Variants in HMGCLL1 observed in about 807,000 individuals in gnomAD.
The protein encoded by HMGCLL1 is 3-hydroxy-3-methylglutaryl-CoA lyase like 1, also known as 3-hydroxymethyl-3-methylglutaryl-CoA lyase, cytoplasmic.
In HMGCLL1, 36 loss-of-function variants were observed where a neutral mutation model predicts 39.1. The observed-to-expected ratio is 0.92, with a 90% CI of 0.71 to 1.22. HMGCLL1 has a LOEUF of 1.22. Ranked by LOEUF, HMGCLL1 falls within the 50% of genes most tolerant of loss-of-function variation. HMGCLL1 has a pLI of 0.00. For synonymous variants in HMGCLL1, 149 were observed against 144.0 expected (o/e 1.03, Z -0.25); for missense variants, 451 against 416.5 (o/e 1.08, Z -0.72).
At chr6:55,573,636 T>C (rs930052520) in intron 1 of HMGCLL1, among the ~76,000 whole-genome samples, 2 of 152,002 alleles carry the variant, frequency 1.3e-5, no homozygotes, top group African/African-American at 4.8e-5. Context: ...AATATTCAGA[T>C]TGAATACGGA....
At chr6:55,605,097 G>A in the HMGCLL1 span, among the ~76,000 whole-genome samples, 1 of 152,200 alleles carries the variant, frequency 6.6e-6, no homozygotes, top group African/African-American at 2.4e-5. Flanking sequence ...AAGGCAGACA[G>A]CCTTCAGCTG....
At chr6:55,439,192 T>C (rs181039849) in intron 8 of HMGCLL1, among the ~76,000 whole-genome samples, 20 of 152,258 alleles carry the variant, frequency 1.3e-4, no homozygotes, top group Admixed American at 1.1e-3. Context: ...AAAAGTTCTT[T>C]AGAGGTCATG....
At chr6:55,556,578 A>G (rs942058033) in intron 1 of HMGCLL1, among the ~76,000 whole-genome samples, 8 of 152,176 alleles carry the variant, frequency 5.3e-5, no homozygotes, top group African/African-American at 1.9e-4. Context: ...TTTTGTTCCC[A>G]GGCAGATGGA....
At chr6:55,628,396 G>T in the HMGCLL1 span, among the ~76,000 whole-genome samples, 1 of 149,756 alleles carries the variant, frequency 6.7e-6, no homozygotes, top group Admixed American at 6.8e-5. Context: ...CAGTCTCCTG[G>T]GTTCAAACAA....
chr6:55,674,235 G>A, the HMGCLL1 span, among the ~76,000 whole-genome samples: 1 of 151,668 alleles, frequency 6.6e-6, no homozygotes, highest in Non-Finnish European at 1.5e-5. Context: ...TTATATAAAG[G>A]AAAAGTAAGT....
the HMGCLL1 span, among the ~76,000 whole-genome samples, chr6:55,598,589 T>G: frequency 6.6e-6 from 1 of 152,308 alleles, no homozygotes; most frequent in South Asian, 2.1e-4. Flanking sequence ...TTCAGAACCT[T>G]ATAGAAGATC....
At chr6:55,573,687 A>ATTCTCTGTG (rs1191626877) in intron 1 of HMGCLL1, among the ~76,000 whole-genome samples, 13 of 152,130 alleles carry the variant, frequency 8.5e-5, no homozygotes, top group Non-Finnish European at 1.9e-4. Context: ...TAAGAAACAA[A>ATTCTCTGTG]TAAGGCACAG....
chr6:55,627,517 G>A, the HMGCLL1 span, among the ~76,000 whole-genome samples: 1 of 151,904 alleles, frequency 6.6e-6, no homozygotes, highest in Non-Finnish European at 1.5e-5. Context: ...GGTTAATACC[G>A]AGTGTCAACT....
the HMGCLL1 span, among the ~76,000 whole-genome samples, chr6:55,673,445 A>C: frequency 6.6e-6 from 1 of 152,064 alleles, no homozygotes; most frequent in East Asian, 1.9e-4. Flanking sequence ...AACTATTTAC[A>C]TAAAGATAAC....
At chr6:55,596,942 T>C in the HMGCLL1 span, among the ~76,000 whole-genome samples, 1 of 152,060 alleles carries the variant, frequency 6.6e-6, no homozygotes, top group Non-Finnish European at 1.5e-5. Flanking sequence ...TGTTAATTTA[T>C]CAACATAAAA....
At chr6:55,484,017 T>C (rs568344355) in intron 7 of HMGCLL1, among the ~76,000 whole-genome samples, 1 of 152,066 alleles carries the variant, frequency 6.6e-6, no homozygotes, top group African/African-American at 2.4e-5. Context: ...ATATAGAAAA[T>C]AGATTCTTGT....
At chr6:55,673,423 A>C in the HMGCLL1 span, among the ~76,000 whole-genome samples, 2 of 152,018 alleles carry the variant, frequency 1.3e-5, no homozygotes, top group African/African-American at 4.8e-5. Flanking sequence ...AAAAAAATGA[A>C]ATAAAGACCC....
chr6:55,520,847 C>G (rs538227591), intron 3 of HMGCLL1, among the ~76,000 whole-genome samples: 280 of 149,494 alleles, frequency 1.9e-3, no homozygotes, highest in Non-Finnish European at 3.4e-3. Context: ...AGCACACAGT[C>G]TGGAAATGGC....
At chr6:55,476,824 C>A (rs1765309853) in intron 7 of HMGCLL1, among the ~76,000 whole-genome samples, 1 of 150,942 alleles carries the variant, frequency 6.6e-6, no homozygotes, top group African/African-American at 2.4e-5. Flanking sequence ...TTGTAATAAT[C>A]TTGTAGGATT....
chr6:55,537,054 G>A (rs1479890173), intron 3 of HMGCLL1, among the ~76,000 whole-genome samples: 2 of 152,014 alleles, frequency 1.3e-5, no homozygotes, highest in Admixed American at 6.6e-5. Flanking sequence ...TAAAATTATC[G>A]TCAAAATCTC....
At chr6:55,557,359 T>C (rs571174134) in intron 1 of HMGCLL1, among the ~76,000 whole-genome samples, 1 of 152,164 alleles carries the variant, frequency 6.6e-6, no homozygotes, top group Admixed American at 6.6e-5. Flanking sequence ...ACTGCACTTC[T>C]GGTTGCCTGG....
chr6:55,640,628 C>G, the HMGCLL1 span, among the ~76,000 whole-genome samples: 2 of 151,744 alleles, frequency 1.3e-5, no homozygotes, highest in Non-Finnish European at 2.9e-5. Flanking sequence ...AAAGAGAAAG[C>G]CCTTCAAATG....
chr6:55,610,554 A>G, the HMGCLL1 span, among the ~76,000 whole-genome samples: 1 of 152,120 alleles, frequency 6.6e-6, no homozygotes, highest in African/African-American at 2.4e-5. Flanking sequence ...TGAACCTATG[A>G]CTGAATGGAG....
chr6:55,477,168 TAA>T (rs1204750695), intron 7 of HMGCLL1, among the ~76,000 whole-genome samples: 1 of 47,266 alleles, frequency 2.1e-5, no homozygotes, highest in South Asian at 6.9e-4. Flanking sequence ...TATTATAATA[TAA>T]TATATATTAT....
Sources: allele counts gnomAD v4.1 joint callset (sites outside exome capture counted in the v4.1 genomes callset), GRCh38; gene constraint gnomAD v4.1.1; transcripts MANE v1.5; gene names NCBI Gene and HGNC (gene_info 2026-07-23, HGNC 2026-07-21).